Variants in SEL1L3 observed in about 807,000 individuals in gnomAD.
The protein encoded by SEL1L3 is SEL1L family member 3, also known as protein sel-1 homolog 3.
Under a neutral mutation model 142.8 loss-of-function variants are expected in SEL1L3, and 76 were observed. The ratio of observed to expected loss-of-function variants is 0.53; its 90% CI spans 0.44 to 0.64. The LOEUF is 0.64. Ranked by LOEUF, SEL1L3 falls within the 30% of genes least tolerant of loss-of-function variation. The pLI, the probability that SEL1L3 is intolerant of heterozygous loss-of-function variation, is 0.00. For missense variants in SEL1L3, 1,262 were observed against 1,381.7 expected, an observed-to-expected ratio of 0.91 and a Z score of 1.37; for synonymous variants, 504 against 519.6, an observed-to-expected ratio of 0.97 and a Z score of 0.41.
At chr4:25,822,830 G>A (rs1714850113) in intron 6 of SEL1L3, among the ~76,000 whole-genome samples, 1 of 152,200 alleles carries the variant, frequency 6.6e-6, no homozygotes. Context: ...TTGCAACATT[G>A]TTTATATTCG....
At chr4:25,757,398 G>A (rs745856408) in intron 23 of SEL1L3, 136 bp downstream of exon 23, 70 of 693,268 alleles carry the variant, frequency 1.0e-4, no homozygotes, top group Non-Finnish European at 1.6e-4. Flanking sequence ...ACCACCCTAG[G>A]GATAGGAGAT....
chr4:25,784,566 G>A (rs1711660732), intron 13 of SEL1L3, among the ~76,000 whole-genome samples: 1 of 152,168 alleles, frequency 6.6e-6, no homozygotes, highest in Non-Finnish European at 1.5e-5. Context: ...GGTACTACTG[G>A]GGGAAGATAT....
chr4:25,772,446 T>G (rs556748390), intron 17 of SEL1L3, among the ~76,000 whole-genome samples: 2 of 152,326 alleles, frequency 1.3e-5, no homozygotes, highest in East Asian at 3.9e-4. Context: ...AAGTTGAACA[T>G]GTTCTCCTAT....
In SEL1L3 at chr4:25,822,021, C is replaced by G. The variant is rs1450613511; in HGVS notation, c.1265G>C (p.Arg422Pro). Residue 422 changes from arginine to proline, a missense_variant, in exon 7 of 24, where the codon CGC becomes CCC. Arg to Pro is a moderately radical substitution (Grantham distance 103). Around this residue, in one of 3 missense-constraint regions of SEL1L3, gnomAD observed 689 missense variants for 692.8 expected, o/e 0.99. Coordinates refer to ENST00000399878, the MANE Select transcript of SEL1L3 (RefSeq NM_015187.5). ...CTGGGCGGGGTGCAGACTGCGAAGGCGATAGTACTTCAGGGGTCCAAAAAA... is the reference window on the plus strand; with the variant it reads ...CTGGGCGGGGTGCAGACTGCGAAGGGGATAGTACTTCAGGGGTCCAAAAAA... ...EGFFGPLKYY[R>P]LRSLHPAQIF... 1 of 1,613,722 alleles carries G rather than the reference C, an allele frequency of 6.2e-7. No homozygotes were observed. Among genetic ancestry groups the G allele is most frequent in the Non-Finnish European group, 8.5e-7 (1 of 1,179,858 alleles).
At chr4:25,734,770 T>C in the SEL1L3 span, among the ~76,000 whole-genome samples, 5 of 152,032 alleles carry the variant, frequency 3.3e-5, no homozygotes, top group African/African-American at 1.2e-4. Context: ...GGTTTCGCCA[T>C]GTTGGTCAGG....
intron 16 of SEL1L3, chr4:25,776,839 T>G (rs1719665857): frequency 1.1e-5 from 1 of 95,210 alleles, no homozygotes; most frequent in Non-Finnish European, 2.3e-5. Context: ...GTAGAATAAT[T>G]TTTTTAAATA....
chr4:25,835,276 T>G lies in SEL1L3; in HGVS notation c.781A>C (p.Thr261Pro). 6.2e-7 allele frequency: 1 copy of G among 1,614,018 alleles called. No homozygotes were observed. Among genetic ancestry groups the G allele is most frequent in the Non-Finnish European group, 8.5e-7 (1 of 1,179,890 alleles). ...CTCGGGAACTTCTTGACAATGCCTGTGTTTTCTCCACTGGAGGCATAAGGA... is the reference window on the plus strand; with the variant it reads ...CTCGGGAACTTCTTGACAATGCCTGGGTTTTCTCCACTGGAGGCATAAGGA... ...GFPYASSGENTGIVKKFPRFR... is the reference protein window; with the variant it reads ...GFPYASSGENPGIVKKFPRFR... The change falls in exon 3 of 24, where the codon ACA (threonine) becomes CCA (proline). Residue 261 changes from threonine (T) to proline (P), a missense_variant. Physicochemically the swap from Thr to Pro is conservative, Grantham distance 38. Around this residue, in one of 3 missense-constraint regions of SEL1L3, gnomAD observed 689 missense variants for 692.8 expected, o/e 0.99. Coordinates refer to ENST00000399878, the MANE Select transcript of SEL1L3 (RefSeq NM_015187.5).
rs58435041 is a variant in SEL1L3 at position 25,788,569 on chromosome 4, C to CGTGTGTGT, written c.2077-213_2077-206dup. Among the ~76,000 whole-genome samples, 10 of 140,062 alleles carry CGTGTGTGT rather than the reference C, an allele frequency of 7.1e-5. No homozygotes were observed. Among genetic ancestry groups the CGTGTGTGT allele is most frequent in the South Asian group, 4.9e-4 (2 of 4,080 alleles). The allele number at this position is 140,062 out of a possible 152,430, so 91.9% of individuals were successfully genotyped here. A position where few individuals can be genotyped will look rare whatever the true frequency, so the allele number is the denominator to read the frequency against. ...CCCTTAATGCAAGCCAGAAATGGTT[C>CGTGTGTGT]GTGTGTGTGTGTGTGTGTGTGTGTG... On this transcript the variant is annotated intron_variant, in intron 12 of 23. Transcript: ENST00000399878. This position sits in a 1 kb window ranked among gnomAD's most constrained non-coding sequence, Gnocchi z 5.3.
At chr4:25,784,853 T>C (rs1219242270) in intron 13 of SEL1L3, among the ~76,000 whole-genome samples, 1 of 152,190 alleles carries the variant, frequency 6.6e-6, no homozygotes, top group Non-Finnish European at 1.5e-5. Flanking sequence ...AAAATCAAGA[T>C]TTTCCAGATG....
At chr4:25,731,623 C>T in the SEL1L3 span, among the ~76,000 whole-genome samples, 2 of 152,206 alleles carry the variant, frequency 1.3e-5, no homozygotes, top group Middle Eastern at 3.2e-3. Flanking sequence ...TTCTTTCACT[C>T]AGCATAATTA....
chr4:25,862,738 A>T lies in SEL1L3; in HGVS notation c.99T>A (p.Ser33Arg). ...CGCCGAGGCCCTGGGGGACGCCGCCACTCGGGACCATGGCTGCGGCCCGGG... is the reference window on the plus strand; with the variant it reads ...CGCCGAGGCCCTGGGGGACGCCGCCTCTCGGGACCATGGCTGCGGCCCGGG... ...VGPRAAAMVPSGGVPQGLGGR... is the reference protein window; with the variant it reads ...VGPRAAAMVPRGGVPQGLGGR... The change falls in exon 1 of 24, where the codon AGT (serine) becomes AGA (arginine). Residue 33 changes from serine (S) to arginine (R), a missense_variant. Physicochemically the swap from Ser to Arg is moderately radical, Grantham distance 110. This residue lies in a region of SEL1L3 where 689 missense variants were observed against 692.8 expected (regional missense o/e 0.99). Transcript: ENST00000399878. The T allele has an allele frequency of 1.6e-6, 2 of 1,257,118 alleles. No individual in the cohort carries two copies. Among genetic ancestry groups the T allele is most frequent in the Admixed American group, 4.0e-5 (1 of 25,302 alleles). The allele number at this position is 1,257,118 out of a possible 1,614,324, so 77.9% of individuals were successfully genotyped here. A position where few individuals can be genotyped will look rare whatever the true frequency, so the allele number is the denominator to read the frequency against.
intron 17 of SEL1L3, among the ~76,000 whole-genome samples, chr4:25,769,183 C>T (rs781704994): frequency 1.7e-4 from 26 of 152,030 alleles, no homozygotes; most frequent in Non-Finnish European, 2.9e-4. Context: ...GGGAAAGGTT[C>T]GGTGAGGGGG....
intron 9 of SEL1L3, among the ~76,000 whole-genome samples, chr4:25,808,430 GC>G (rs1192133382): frequency 6.6e-6 from 1 of 152,070 alleles, no homozygotes; most frequent in Non-Finnish European, 1.5e-5. Flanking sequence ...TTTAGAAGAG[GC>G]AAAAAGCAGA....
At chr4:25,860,641 CTT>C (rs1415101149) in intron 1 of SEL1L3, 1 of 152,114 alleles carries the variant, frequency 6.6e-6, no homozygotes, top group Non-Finnish European at 1.5e-5. Flanking sequence ...AAATGGCTCT[CTT>C]GTTTATCAAA....
the SEL1L3 span, chr4:25,720,247 T>A: frequency 1.3e-5 from 2 of 152,088 alleles, no homozygotes; most frequent in African/African-American, 4.8e-5. Context: ...GATCTCTAAG[T>A]GGAAGAAGAG....
At chr4:25,750,560 T>G (rs1188030421) in intron 23 of SEL1L3, among the ~76,000 whole-genome samples, 3 of 152,220 alleles carry the variant, frequency 2.0e-5, no homozygotes, top group African/African-American at 7.2e-5. Flanking sequence ...GCCTACTTCA[T>G]CTGGGCCTCT....
chr4:25,863,230 C>G (rs1438904011), upstream of SEL1L3, among the ~76,000 whole-genome samples: 2 of 115,364 alleles, frequency 1.7e-5, no homozygotes, highest in South Asian at 3.2e-4. Flanking sequence ...GGCGCACCCC[C>G]CTTTCCCTTT....
chr4:25,817,935 T>C (rs1714500541), intron 9 of SEL1L3, among the ~76,000 whole-genome samples: 1 of 152,166 alleles, frequency 6.6e-6, no homozygotes, highest in South Asian at 2.1e-4. Context: ...TAAATTTAAG[T>C]TTTTGCATTT....
the SEL1L3 span, among the ~76,000 whole-genome samples, chr4:25,740,296 T>G: frequency 1.4e-5 from 1 of 69,030 alleles, no homozygotes; most frequent in African/African-American, 5.6e-5. Flanking sequence ...TAGCTGGGCA[T>G]GGTGGCCACA....
Sources: gnomAD v4.1 joint callset for allele counts (sites outside exome capture counted in the v4.1 genomes callset) on GRCh38, gnomAD v4.1.1 for gene constraint, gnomAD v4.1.1 regional missense constraint, Gnocchi (gnomAD v3.1) non-coding constraint, MANE v1.5 for transcripts, NCBI Gene and HGNC (gene_info 2026-07-23, HGNC 2026-07-21) for gene names.